The following TLL1 variants were observed in gnomAD, a reference collection of about 807,000 sequenced individuals.
TLL1 encodes tolloid like 1, also known as tolloid-like protein 1.
In TLL1, 49 loss-of-function variants were observed where a neutral mutation model predicts 128.2. That is an observed-to-expected ratio of 0.38 (90% confidence interval 0.30 to 0.48). TLL1 has a LOEUF of 0.48. Among genes scored for constraint, TLL1 ranks in the 20% least tolerant of loss-of-function variants. TLL1 has a pLI of 0.96. For missense variants in TLL1, 1,123 were observed against 1,242.0 expected, an observed-to-expected ratio of 0.90 and a Z score of 1.44; for synonymous variants, 454 against 418.8, an observed-to-expected ratio of 1.08 and a Z score of -1.03.
chr4:165,900,616 A>G (rs541485371), intron 1 of TLL1, among the ~76,000 whole-genome samples: 2 of 152,116 alleles, frequency 1.3e-5, no homozygotes, highest in African/African-American at 4.8e-5. Context: ...TGTTATTCTG[A>G]TGGACTTCCC....
intron 6 of TLL1, among the ~76,000 whole-genome samples, chr4:166,004,587 G>A (rs1737325238): frequency 1.3e-5 from 2 of 152,266 alleles, no homozygotes; most frequent in South Asian, 4.1e-4. Flanking sequence ...GTCCCTTAGT[G>A]AGTCAAGGGA....
At chr4:166,038,801 AC>A (rs896936490) in intron 9 of TLL1, among the ~76,000 whole-genome samples, 1 of 152,194 alleles carries the variant, frequency 6.6e-6, no homozygotes, top group African/African-American at 2.4e-5. Context: ...CATTAGATGG[AC>A]AAATTCTAAT....
At chr4:165,950,557 C>T (rs1449962870) in intron 1 of TLL1, among the ~76,000 whole-genome samples, 1 of 151,932 alleles carries the variant, frequency 6.6e-6, no homozygotes, top group African/African-American at 2.4e-5. Flanking sequence ...CGAAATTATT[C>T]AACTTTTACA....
chr4:166,000,253 A>G (rs1414821871), intron 5 of TLL1, among the ~76,000 whole-genome samples: 1 of 152,216 alleles, frequency 6.6e-6, no homozygotes. Context: ...CACATTAAAA[A>G]TACATATTAC....
At chr4:165,904,041 G>A (rs1354058355) in intron 1 of TLL1, among the ~76,000 whole-genome samples, 1 of 151,868 alleles carries the variant, frequency 6.6e-6, no homozygotes, top group Non-Finnish European at 1.5e-5. Flanking sequence ...TTAGAATTTT[G>A]CATATATCTT....
chr4:165,874,208 T>G (rs1321070181), intron 1 of TLL1, 135 bp downstream of exon 1: 7 of 1,062,956 alleles, frequency 6.6e-6, no homozygotes, highest in Non-Finnish European at 9.8e-6. Context: ...TCTCTCCCCC[T>G]CCTTTTCCTT....
intron 1 of TLL1, among the ~76,000 whole-genome samples, chr4:165,878,419 A>G (rs1219627705): frequency 6.6e-6 from 1 of 151,528 alleles, no homozygotes; most frequent in Admixed American, 6.6e-5. Flanking sequence ...GCCAAAATAC[A>G]GTGTTTGCAG....
Position 165,874,177 on chromosome 4 carries a change from AGCCCCTCCGCC to A in TLL1, c.169+113_169+123del, listed in dbSNP as rs990904749. ...CACCTGTTTCCTTCCCTCCCGCGTC[AGCCCCTCCGCC>A]GCCCCTCCTTCTCTCCCCCTCCTTT... On this transcript the variant is annotated intron_variant, in intron 1 of 20. Coordinates refer to ENST00000061240, the MANE Select transcript of TLL1 (RefSeq NM_012464.5). The A allele has an allele frequency of 2.3e-5, 32 of 1,411,804 alleles. No homozygotes were observed. The Admixed American group carries it at 5.1e-4, about 22-fold the overall frequency. The allele number at this position is 1,411,804 out of a possible 1,614,324, so 87.5% of individuals were successfully genotyped here.
chr4:165,970,053 G>A (rs1735564686), intron 1 of TLL1, among the ~76,000 whole-genome samples: 1 of 152,126 alleles, frequency 6.6e-6, no homozygotes, highest in Non-Finnish European at 1.5e-5. Flanking sequence ...TGCTAAATAA[G>A]TCTCATTACT....
At chr4:166,095,146 T>C (rs1741961655) in intron 19 of TLL1, among the ~76,000 whole-genome samples, 1 of 152,092 alleles carries the variant, frequency 6.6e-6, no homozygotes, top group African/African-American at 2.4e-5. Flanking sequence ...AAATTTATAT[T>C]TCTGTATACA....
At position 166,077,940 on chromosome 4, in the gene TLL1, C is replaced by T. The variant is rs886801961; in HGVS notation, c.2352C>T (p.Leu784=). 4 of 1,613,510 alleles carry T rather than the reference C, an allele frequency of 2.5e-6. No individual in the cohort carries two copies. In the African/African-American group the frequency reaches 5.3e-5, roughly 22 times the overall value. The change falls in exon 18 of 21, where the codon CTC becomes CTT. Residue 784 remains leucine (L), a synonymous_variant. Transcript: ENST00000061240. ...AGAAGATCCACAGTCCAAGTGGCCT[C>T]ATCACCAGTCCCAACTGGCCAGACA... The part of the protein sequence containing the change: ...CEQKIHSPSG[L]ITSPNWPDKY...
intron 12 of TLL1, among the ~76,000 whole-genome samples, chr4:166,053,949 T>C (rs377698885): frequency 7.9e-5 from 12 of 152,320 alleles, no homozygotes; most frequent in East Asian, 3.9e-4. Flanking sequence ...AAAATTGTCT[T>C]ACAATTTTTA....
intron 1 of TLL1, among the ~76,000 whole-genome samples, chr4:165,904,669 GTAATAACAAA>G (rs1291697012): frequency 6.6e-6 from 1 of 152,068 alleles, no homozygotes; most frequent in Non-Finnish European, 1.5e-5. Flanking sequence ...GTTTTCCTGT[GTAATAACAAA>G]TATTTTCTAA....
chr4:165,988,608 C>T lies in TLL1; in HGVS notation c.170-773C>T, dbSNP rs1736493573. ...CGTGATCGCACCACTGCACTCCAGC[C>T]TGGGTAACAGAGAGACCCTAACTCA... On this transcript the variant is annotated intron_variant, in intron 1 of 20. Coordinates refer to ENST00000061240, the MANE Select transcript of TLL1 (RefSeq NM_012464.5). Among the ~76,000 whole-genome samples, 3 of 152,100 alleles carry T rather than the reference C, an allele frequency of 2.0e-5. No homozygotes were observed. In the South Asian group the frequency reaches 6.2e-4, roughly 32 times the overall value.
intron 5 of TLL1, among the ~76,000 whole-genome samples, chr4:166,001,736 G>C (rs1268761572): frequency 6.6e-6 from 1 of 150,906 alleles, no homozygotes; most frequent in Non-Finnish European, 1.5e-5. Flanking sequence ...GGCAAAGTTT[G>C]CAGTGGGCCG....
chr4:166,085,240 C>CTTT (rs35676382), intron 18 of TLL1, among the ~76,000 whole-genome samples: 16 of 144,962 alleles, frequency 1.1e-4, no homozygotes, highest in South Asian at 2.2e-4. Flanking sequence ...GATAATTTAA[C>CTTT]TTTTTTTTTT....
chr4:165,998,155 C>T (rs992873584), intron 5 of TLL1, among the ~76,000 whole-genome samples: 5 of 151,960 alleles, frequency 3.3e-5, no homozygotes, highest in Non-Finnish European at 7.4e-5. Context: ...TCATCAGTGG[C>T]ATTTATTTAT....
intron 1 of TLL1, among the ~76,000 whole-genome samples, chr4:165,908,043 G>A (rs1732352092): frequency 6.6e-6 from 1 of 152,208 alleles, no homozygotes; most frequent in Middle Eastern, 3.2e-3. Flanking sequence ...GAGTAGACAG[G>A]AAGGATGAGA....
chr4:166,003,792 T>C (rs183314589), intron 6 of TLL1, among the ~76,000 whole-genome samples: 9 of 152,288 alleles, frequency 5.9e-5, no homozygotes, highest in African/African-American at 2.2e-4. Flanking sequence ...CTTTCTTTTT[T>C]AAGATTTAGC....
Sources: allele counts gnomAD v4.1 joint callset (sites outside exome capture counted in the v4.1 genomes callset), GRCh38; gene constraint gnomAD v4.1.1; transcripts MANE v1.5; gene names NCBI Gene and HGNC (gene_info 2026-07-23, HGNC 2026-07-21).